Variants in VPS13C observed in about 807,000 individuals in gnomAD.
VPS13C encodes vacuolar protein sorting 13 homolog C, also known as intermembrane lipid transfer protein VPS13C.
A neutral mutation model predicts 456.8 loss-of-function variants in VPS13C; 358 were observed. The ratio of observed to expected loss-of-function variants is 0.78; its 90% CI spans 0.72 to 0.86. The LOEUF is 0.86. VPS13C is among the 40% of genes least tolerant of loss of function. The probability of loss-of-function intolerance (pLI) is 0.00; values close to 1 mark genes in which losing one functional copy is unlikely to be tolerated. For synonymous variants in VPS13C, 1,578 were observed against 1,486.7 expected (o/e 1.06, Z -1.41); for missense variants, 4,818 against 4,385.4 (o/e 1.10, Z -2.79).
intron 1 of VPS13C, among the ~76,000 whole-genome samples, chr15:62,056,981 G>A (rs1315620115): frequency 1.3e-5 from 2 of 152,044 alleles, no homozygotes; most frequent in African/African-American, 4.8e-5. Flanking sequence ...ATAAATAACA[G>A]CGCAGCCAGA....
At chr15:61,976,679 T>A (rs984795755) in intron 24 of VPS13C, among the ~76,000 whole-genome samples, 1 of 152,086 alleles carries the variant, frequency 6.6e-6, no homozygotes, top group African/African-American at 2.4e-5. Flanking sequence ...AGCTGTTTTT[T>A]AAAAACAGTA....
At chr15:61,918,589 A>T (rs1220275352) in intron 58 of VPS13C, among the ~76,000 whole-genome samples, 1 of 152,056 alleles carries the variant, frequency 6.6e-6, no homozygotes, top group East Asian at 1.9e-4. Context: ...TGTATCATGT[A>T]TAACAACTAA....
In VPS13C at chr15:61,868,675, C is replaced by T. The variant is rs77673743; in HGVS notation, c.10847G>A (p.Gly3616Asp). 2,062 of 1,614,040 alleles carry T rather than the reference C, an allele frequency of 1.3e-3. 19 individuals carry two copies. In the East Asian group the frequency reaches 0.023, roughly 18 times the overall value. The change falls in exon 81 of 85, where the codon GGC becomes GAC. Residue 3616 changes from glycine (G) to aspartate (D), a missense_variant. Physicochemically the swap from Gly to Asp is moderately conservative, Grantham distance 94 (BLOSUM62 -1). This residue lies in a region of VPS13C where 261 missense variants were observed against 234.1 expected (regional missense o/e 1.11). Transcript: ENST00000644861. ...AAAATTTACCTCAAGTAAGTCAGAGCCCTCAGATTCCTGTCTGTCATAAGG... is the reference window on the plus strand; with the variant it reads ...AAAATTTACCTCAAGTAAGTCAGAGTCCTCAGATTCCTGTCTGTCATAAGG... ...IRPYDRQESE[G>D]SDLLENHIKK... is the part of the protein sequence containing the mutation.
intron 43 of VPS13C, 53 bp downstream of exon 43, chr15:61,947,140 T>C: frequency 8.3e-7 from 1 of 1,203,874 alleles, no homozygotes; most frequent in Non-Finnish European, 1.2e-6. Context: ...AAGCTCATTT[T>C]TCCTAGTTAT....
At chr15:62,029,040 C>A (rs1274595007) in intron 5 of VPS13C, among the ~76,000 whole-genome samples, 1 of 152,050 alleles carries the variant, frequency 6.6e-6, no homozygotes, top group Non-Finnish European at 1.5e-5. Context: ...GGAAAACTTA[C>A]ACCCCCGCTG....
At chr15:61,907,609 A>C (rs560797890) in intron 65 of VPS13C, among the ~76,000 whole-genome samples, 1 of 152,206 alleles carries the variant, frequency 6.6e-6, no homozygotes, top group East Asian at 1.9e-4. Flanking sequence ...GCTTCAATGC[A>C]CTCGGAATTG....
At position 61,852,810 on chromosome 15, in the gene VPS13C, A is replaced by G. The variant is rs1356666991; in HGVS notation, c.*1647T>C. The G allele has an allele frequency of 6.6e-6, 1 of 152,170 alleles. No individual in the cohort carries two copies. Among genetic ancestry groups the G allele is most frequent in the Non-Finnish European group, 1.5e-5 (1 of 68,018 alleles). 9.4% of individuals were successfully genotyped at this position (152,170 alleles called of 1,614,324 possible). A position where few individuals can be genotyped will look rare whatever the true frequency, so the allele number is the denominator to read the frequency against. ...AAGTAATGACAAACAGAGATCAAACATTTAGGGCATTAGTTACTGCATTCT... is the reference window on the plus strand; with the variant it reads ...AAGTAATGACAAACAGAGATCAAACGTTTAGGGCATTAGTTACTGCATTCT... On this transcript the variant is annotated 3_prime_UTR_variant, in exon 85 of 85. Coordinates refer to ENST00000644861, the MANE Select transcript of VPS13C (RefSeq NM_020821.3).
intron 2 of VPS13C, among the ~76,000 whole-genome samples, chr15:62,042,796 T>C (rs1258969045): frequency 6.6e-6 from 1 of 151,994 alleles, no homozygotes; most frequent in Non-Finnish European, 1.5e-5. Context: ...GGGATAGCAT[T>C]AGGAGATATA....
intron 9 of VPS13C, among the ~76,000 whole-genome samples, chr15:62,016,836 G>A (rs900725598): frequency 1.3e-5 from 2 of 152,116 alleles, no homozygotes; most frequent in Admixed American, 1.3e-4. Flanking sequence ...AGATCCCTGA[G>A]GAATCGCCAC....
At chr15:62,008,058 C>G (rs540451260) in intron 14 of VPS13C, among the ~76,000 whole-genome samples, 1 of 152,140 alleles carries the variant, frequency 6.6e-6, no homozygotes, top group East Asian at 1.9e-4. Flanking sequence ...ATGCTGAAAG[C>G]CTGTCTCTAC....
chr15:61,966,192 T>C (rs767081454), intron 29 of VPS13C, 50 bp from the exon 30 acceptor site: 2 of 1,298,330 alleles, frequency 1.5e-6, no homozygotes, highest in Admixed American at 4.0e-5. Flanking sequence ...TCGAAGTAAA[T>C]AAATCACTTA....
intron 66 of VPS13C, among the ~76,000 whole-genome samples, chr15:61,893,417 G>C (rs550380676): frequency 2.0e-5 from 3 of 151,854 alleles, no homozygotes; most frequent in African/African-American, 7.3e-5. Context: ...GAGAGATAAA[G>C]TTTTTATCAG....
rs1555450638 is a variant in VPS13C, at chr15:62,041,305, T to A, written c.187+19A>T. On this transcript the variant is annotated intron_variant, in intron 3 of 84. Coordinates refer to ENST00000644861, the MANE Select transcript of VPS13C (RefSeq NM_020821.3). Reference sequence around the variant, plus strand: ...ACAATAGGACCAAGAATAATTCAAATGAAGACTAAAGTACTTACCAATTTG... The same window carrying A: ...ACAATAGGACCAAGAATAATTCAAAAGAAGACTAAAGTACTTACCAATTTG... 6.3e-7 allele frequency: 1 copy of A among 1,593,442 alleles called. No individual in the cohort carries two copies. The highest frequency in any genetic ancestry group is 8.5e-7 in the Non-Finnish European group (1 of 1,174,058).
intron 1 of VPS13C, among the ~76,000 whole-genome samples, chr15:62,058,940 A>C (rs75707642): frequency 1.5e-5 from 2 of 136,386 alleles, no homozygotes; most frequent in Non-Finnish European, 3.1e-5. Context: ...AAAAAAAAAA[A>C]ACAACAACAA....
At chr15:61,971,621 A>C (rs1006400194) in intron 27 of VPS13C, among the ~76,000 whole-genome samples, 3 of 152,224 alleles carry the variant, frequency 2.0e-5, no homozygotes, top group African/African-American at 7.2e-5. Flanking sequence ...TGATGGAAGC[A>C]AAGACAGTTA....
In VPS13C at chr15:61,917,353, T is replaced by A. The variant is rs150779505; in HGVS notation, c.8043A>T (p.Arg2681Ser). 5 of 1,613,004 alleles carry A rather than the reference T, an allele frequency of 3.1e-6. No homozygotes were observed. Among genetic ancestry groups the A allele is most frequent in the Non-Finnish European group, 4.2e-6 (5 of 1,179,250 alleles). ...TLRNLLPYSLRYLLEGTAETH... is the reference protein window; with the variant it reads ...TLRNLLPYSLSYLLEGTAETH... ...GCAAGAGACATACCTCAAGTAAATATCTTAGGGAATATGGGAGAAGATTCC... is the reference window on the plus strand; with the variant it reads ...GCAAGAGACATACCTCAAGTAAATAACTTAGGGAATATGGGAGAAGATTCC... Residue 2681 changes from arginine (R) to serine (S), a missense_variant, in exon 60 of 85, where the codon AGA (arginine) becomes AGT (serine). Coordinates refer to ENST00000644861, the MANE Select transcript of VPS13C (RefSeq NM_020821.3).
chr15:61,959,553 C>T lies in VPS13C; in HGVS notation c.3951G>A (p.Leu1317=), dbSNP rs543060595. 7 of 1,613,058 alleles carry T rather than the reference C, an allele frequency of 4.3e-6. No homozygotes were observed. Among genetic ancestry groups the T allele is most frequent in the African/African-American group, 4.0e-5 (3 of 74,980 alleles). Residue 1317 remains leucine (L), a synonymous_variant, in exon 36 of 85, where the codon CTG becomes CTA. Coordinates refer to ENST00000644861, the MANE Select transcript of VPS13C (RefSeq NM_020821.3). ...GAAATTCCAAGTTAATTGGGTGCAA[C>T]AGCTGAATATCAGGATGGTAGATGC... is the stretch of plus-strand genomic sequence containing the variant. ...QPGIYHPDIQ[L]LHPINLEFLV... is the part of the protein sequence containing the mutation.
chr15:62,039,760 G>A (rs1201580588), intron 3 of VPS13C, among the ~76,000 whole-genome samples: 1 of 152,122 alleles, frequency 6.6e-6, no homozygotes, highest in Non-Finnish European at 1.5e-5. Flanking sequence ...CTATTGGTGG[G>A]AATGTAAATT....
intron 53 of VPS13C, among the ~76,000 whole-genome samples, chr15:61,923,859 A>ATTTTTTTTTTTTTTTTTTTT (rs2043743450): frequency 1.4e-5 from 1 of 69,354 alleles, no homozygotes; most frequent in South Asian, 6.1e-4. Flanking sequence ...ACCCCTCTAA[A>ATTTTTTTTTTTTTTTTTTTT]TCTTTTTTTT....
Sources: allele counts gnomAD v4.1 joint callset (sites outside exome capture counted in the v4.1 genomes callset), GRCh38; gene constraint gnomAD v4.1.1; regional missense constraint gnomAD v4.1.1; transcripts MANE v1.5; gene names NCBI Gene and HGNC (gene_info 2026-07-23, HGNC 2026-07-21).